The following DNAJB14 variants were observed in gnomAD, a reference collection of about 807,000 sequenced individuals.
The protein encoded by DNAJB14 is DnaJ heat shock protein family (Hsp40) member B14.
DNAJB14 carries 22 observed loss-of-function variants against 48.4 expected under a neutral mutation model. The observed-to-expected ratio is 0.45, with a 90% CI of 0.32 to 0.65. The LOEUF is 0.65. DNAJB14 is among the 30% of genes least tolerant of loss of function. The pLI is 0.03. For missense variants in DNAJB14, 319 were observed against 458.8 expected, an observed-to-expected ratio of 0.70 and a Z score of 2.78; for synonymous variants, 142 against 158.7, an observed-to-expected ratio of 0.89 and a Z score of 0.79.
intron 3 of DNAJB14, among the ~76,000 whole-genome samples, chr4:99,921,181 T>A (rs1055647384): frequency 6.6e-6 from 1 of 152,222 alleles, no homozygotes; most frequent in African/African-American, 2.4e-5. Context: ...CAATTCCCTA[T>A]TCTGATCCTC....
chr4:99,933,713 GA>G (rs1218327212), intron 1 of DNAJB14, among the ~76,000 whole-genome samples: 1 of 151,926 alleles, frequency 6.6e-6, no homozygotes, highest in Non-Finnish European at 1.5e-5. Context: ...GGGAATTCTG[GA>G]AAAAAGGCTA....
chr4:99,900,982 A>T lies in DNAJB14; in HGVS notation c.*46T>A. ...TCATGATGAAACCAAACTTACTTAC[A>T]GAAAAAATAAAGAGTACGCTAAAAG... On this transcript the variant is annotated 3_prime_UTR_variant, in exon 8 of 8. Transcript: ENST00000442697. 6.4e-7 allele frequency: 1 copy of T among 1,568,344 alleles called. No homozygotes were observed. The highest frequency in any genetic ancestry group is 2.3e-5 in the East Asian group (1 of 43,712).
At chr4:99,935,739 C>T (rs1726650746) in intron 1 of DNAJB14, among the ~76,000 whole-genome samples, 1 of 152,124 alleles carries the variant, frequency 6.6e-6, no homozygotes, top group South Asian at 2.1e-4. Context: ...CTGGCAATGC[C>T]TGAATCCTGA....
At chr4:99,922,551 AAG>A (rs1726097500) in intron 3 of DNAJB14, 1 of 137,940 alleles carries the variant, frequency 7.2e-6, no homozygotes, top group African/African-American at 2.9e-5. Flanking sequence ...AATTTTTAAA[AAG>A]AAAAAAATAA....
chr4:99,946,418 G>C, intron 1 of DNAJB14, 21 bp downstream of exon 1: 2 of 1,601,134 alleles, frequency 1.2e-6, no homozygotes, highest in Non-Finnish European at 8.5e-7. Flanking sequence ...GGCAGGAAGA[G>C]AAGGGACGCT....
chr4:99,946,598 G>T lies in DNAJB14; in HGVS notation c.-27C>A, dbSNP rs1337175856. 1.2e-6 allele frequency: 2 copies of T among 1,611,636 alleles called. No individual in the cohort carries two copies. Among genetic ancestry groups the T allele is most frequent in the Non-Finnish European group, 1.7e-6 (2 of 1,178,416 alleles). On this transcript the variant is annotated 5_prime_UTR_variant, in exon 1 of 8. Coordinates refer to ENST00000442697, the MANE Select transcript of DNAJB14 (RefSeq NM_001031723.4). The stretch of plus-strand genomic sequence containing the variant: ...GCTTGCTCCTTCTTCCGTTTCCTCC[G>T]GCAGCGCAGCTAAGAAGGGCGGAAG...
rs1406091746 is a variant in DNAJB14 at position 99,897,654 on chromosome 4, G to A, written c.*3374C>T. 6.6e-6 allele frequency: 1 copy of A among 152,008 alleles called. No homozygotes were observed. Among genetic ancestry groups the A allele is most frequent in the Admixed American group, 6.6e-5 (1 of 15,266 alleles). The allele number at this position is 152,008 out of a possible 1,614,324, so 9.4% of individuals were successfully genotyped here. A position where few individuals can be genotyped will look rare whatever the true frequency, so the allele number is the denominator to read the frequency against. On this transcript the variant is annotated 3_prime_UTR_variant, in exon 8 of 8. Transcript: ENST00000442697. ...GATTTTAACTAGGCAATGGTCCAAT[G>A]TGGTCAACAGACATGGTTTTTCAGC... is the stretch of plus-strand genomic sequence containing the variant.
At chr4:99,912,646 ATGT>A (rs942866538) in intron 3 of DNAJB14, among the ~76,000 whole-genome samples, 63 of 152,126 alleles carry the variant, frequency 4.1e-4, no homozygotes, top group African/African-American at 1.5e-3. Flanking sequence ...CGCCTCGCTA[ATGT>A]TGTACTTTTA....
chr4:99,917,729 C>T (rs977031421), intron 3 of DNAJB14, among the ~76,000 whole-genome samples: 4 of 152,080 alleles, frequency 2.6e-5, no homozygotes, highest in Non-Finnish European at 5.9e-5. Flanking sequence ...CCCTTCATTC[C>T]TGAAAGATAT....
chr4:99,919,258 C>T (rs910416352), intron 3 of DNAJB14, among the ~76,000 whole-genome samples: 4 of 152,018 alleles, frequency 2.6e-5, no homozygotes, highest in African/African-American at 7.2e-5. Context: ...TTGCCTACTC[C>T]TCCAGCACCT....
At chr4:99,931,391 C>T (rs1160926512) in intron 1 of DNAJB14, among the ~76,000 whole-genome samples, 1 of 152,030 alleles carries the variant, frequency 6.6e-6, no homozygotes, top group Admixed American at 6.5e-5. Context: ...TGGTTCAAGA[C>T]AGGTGAGTGA....
At chr4:99,914,277 A>C (rs1482611824) in intron 3 of DNAJB14, among the ~76,000 whole-genome samples, 2 of 152,222 alleles carry the variant, frequency 1.3e-5, no homozygotes, top group African/African-American at 4.8e-5. Context: ...TGCATTAAGA[A>C]AATGTGGCAC....
intron 3 of DNAJB14, among the ~76,000 whole-genome samples, chr4:99,921,122 C>G (rs1283610120): frequency 6.6e-6 from 1 of 152,182 alleles, no homozygotes; most frequent in Non-Finnish European, 1.5e-5. Flanking sequence ...TGGATTACAA[C>G]TTGAGTTTTC....
intron 2 of DNAJB14, chr4:99,929,627 G>T (rs1386462605): frequency 2.0e-5 from 3 of 152,030 alleles, no homozygotes; most frequent in African/African-American, 7.2e-5. Flanking sequence ...GGTGAAAAAA[G>T]AAATAAAATT....
rs190919681 is a variant in DNAJB14 at position 99,945,095 on chromosome 4, G to A, written c.133+1344C>T. ...TAGGGAGCTGTCTGATTAGTACACA[G>A]TTGTGTTGTAAGATGAAAAAGTTCT... On this transcript the variant is annotated intron_variant, in intron 1 of 7. Coordinates refer to ENST00000442697, the MANE Select transcript of DNAJB14 (RefSeq NM_001031723.4). Among the ~76,000 whole-genome samples the A allele has an allele frequency of 9.7e-4, 148 of 152,312 alleles. 1 individual carries two copies. Among genetic ancestry groups the A allele is most frequent in the Non-Finnish European group, 2.5e-4 (17 of 68,036 alleles).
At chr4:99,903,971 A>G in intron 6 of DNAJB14, 73 bp from the exon 7 acceptor site, 2 of 1,426,476 alleles carry the variant, frequency 1.4e-6, no homozygotes, top group Non-Finnish European at 1.9e-6. Context: ...CAAGCAAACA[A>G]AAACAATTAA....
chr4:99,906,410 G>C (rs1725468646), intron 5 of DNAJB14, 107 bp downstream of exon 5: 8 of 1,149,254 alleles, frequency 7.0e-6, no homozygotes, highest in Non-Finnish European at 1.0e-5. Flanking sequence ...CCTCTAGTAA[G>C]AGAAAACTCA....
At chr4:99,935,884 A>G (rs1384937147) in intron 1 of DNAJB14, among the ~76,000 whole-genome samples, 2 of 152,136 alleles carry the variant, frequency 1.3e-5, no homozygotes, top group African/African-American at 4.8e-5. Context: ...CCTGGCCAAC[A>G]TGGTGAAACC....
chr4:99,925,566 T>C (rs1315497595), intron 2 of DNAJB14: 1 of 152,078 alleles, frequency 6.6e-6, no homozygotes, highest in Admixed American at 6.6e-5. Context: ...TTGCCTAAAT[T>C]CACATAACCA....
Sources: allele counts gnomAD v4.1 joint callset (sites outside exome capture counted in the v4.1 genomes callset), GRCh38; gene constraint gnomAD v4.1.1; transcripts MANE v1.5; gene names NCBI Gene and HGNC (gene_info 2026-07-23, HGNC 2026-07-21).